TTC39C: variants seen among roughly 807,000 people sequenced by gnomAD.
TTC39C encodes tetratricopeptide repeat protein 39C.
In TTC39C, 33 loss-of-function variants were observed where a neutral mutation model predicts 76.3. That is an observed-to-expected ratio of 0.43 (90% CI 0.33 to 0.58). The LOEUF (loss-of-function observed/expected upper bound fraction) is 0.58, where lower values mean the gene tolerates loss of function less well. Ranked by LOEUF, TTC39C falls within the 20% of genes least tolerant of loss-of-function variation. The pLI, the probability that TTC39C is intolerant of heterozygous loss-of-function variation, is 0.04. For synonymous variants in TTC39C, 254 were observed against 260.6 expected (o/e 0.97, Z 0.24); for missense variants, 595 against 701.4 (o/e 0.85, Z 1.71).
intron 6 of TTC39C, among the ~76,000 whole-genome samples, chr18:24,101,149 G>A (rs1367106944): frequency 2.6e-5 from 4 of 152,110 alleles, no homozygotes; most frequent in South Asian, 4.1e-4. Context: ...CAAATGTTAT[G>A]ATTCTGTGAA....
chr18:24,023,320 A>G (rs2083538556), intron 1 of TTC39C, among the ~76,000 whole-genome samples: 1 of 152,114 alleles, frequency 6.6e-6, no homozygotes, highest in African/African-American at 2.4e-5. Flanking sequence ...TTTGCCTTGG[A>G]ACGTCCAGGC....
intron 6 of TTC39C, chr18:24,114,321 C>T (rs4986768): frequency 0.96 from 360,692 of 376,264 alleles, 173,714 homozygotes; most frequent in Non-Finnish European, 0.99. Context: ...GAGAAGGCGG[C>T]GCGAGCTGAG....
rs373542743 is a variant in TTC39C, at chr18:24,046,008, T to G, written c.168-18132T>G. On this transcript the variant is annotated intron_variant, in intron 1 of 13. Coordinates refer to ENST00000317571, the MANE Select transcript of TTC39C (RefSeq NM_001135993.2). ...GGCTGGAGTGCGACGGCACAATCTCTGCTCACTGCAAGCTCCGCCTCCTGG... is the reference window on the plus strand; with the variant it reads ...GGCTGGAGTGCGACGGCACAATCTCGGCTCACTGCAAGCTCCGCCTCCTGG... 6.2e-4 allele frequency among the ~76,000 whole-genome samples: 85 copies of G among 136,262 alleles called. No individual in the cohort carries two copies. The East Asian group carries it at 0.013, about 20-fold the overall frequency. 89.4% of individuals were successfully genotyped at this position (136,262 alleles called of 152,430 possible).
chr18:24,024,008 A>ATTTTT (rs1568409133), intron 1 of TTC39C, among the ~76,000 whole-genome samples: 3 of 6,996 alleles, frequency 4.3e-4, no homozygotes, highest in Admixed American at 2.8e-3. Context: ...ATATATATAT[A>ATTTTT]TATATATATT....
intron 1 of TTC39C, chr18:24,022,718 G>A: frequency 1.0e-6 from 1 of 985,406 alleles, no homozygotes; most frequent in Non-Finnish European, 1.2e-6. Flanking sequence ...TCCCAGTCTT[G>A]TGTAGGATAA....
chr18:24,089,001 G>A (rs537573631), intron 6 of TTC39C, among the ~76,000 whole-genome samples: 1 of 152,180 alleles, frequency 6.6e-6, no homozygotes, highest in Non-Finnish European at 1.5e-5. Flanking sequence ...TAAAGTTCCA[G>A]TTTCCATCAG....
At chr18:24,088,705 A>G (rs1206768338) in intron 6 of TTC39C, among the ~76,000 whole-genome samples, 1 of 152,070 alleles carries the variant, frequency 6.6e-6, no homozygotes, top group African/African-American at 2.4e-5. Context: ...GCTTCCCCCA[A>G]ACCCTCTCAG....
intron 4 of TTC39C, among the ~76,000 whole-genome samples, chr18:24,072,136 T>C (rs1035373890): frequency 5.3e-5 from 8 of 152,116 alleles, no homozygotes; most frequent in Admixed American, 3.9e-4. Flanking sequence ...TGGATAATTT[T>C]CTTGGGGAAA....
intron 12 of TTC39C, among the ~76,000 whole-genome samples, chr18:24,131,149 C>T (rs1478685649): frequency 7.1e-6 from 1 of 141,390 alleles, no homozygotes; most frequent in African/African-American, 2.6e-5. Context: ...CTTGAGGTTG[C>T]AGTGAGCCAT....
chr18:24,082,562 T>C (rs2084390400), intron 5 of TTC39C, among the ~76,000 whole-genome samples: 1 of 152,206 alleles, frequency 6.6e-6, no homozygotes, highest in Admixed American at 6.5e-5. Flanking sequence ...TGGTGACTAG[T>C]TACCATTTCT....
chr18:24,100,774 C>T (rs1225846932), intron 6 of TTC39C, among the ~76,000 whole-genome samples: 1 of 152,172 alleles, frequency 6.6e-6, no homozygotes, highest in Non-Finnish European at 1.5e-5. Flanking sequence ...GGTGGGAGAC[C>T]TCAAGCCAGT....
At chr18:24,089,568 G>A (rs557915942) in intron 6 of TTC39C, among the ~76,000 whole-genome samples, 17 of 152,248 alleles carry the variant, frequency 1.1e-4, no homozygotes, top group Non-Finnish European at 2.2e-4. Flanking sequence ...CTTAATGACC[G>A]TTTACCGAAA....
intron 4 of TTC39C, 120 bp downstream of exon 4, chr18:24,069,391 T>C (rs542203401): frequency 1.0e-5 from 8 of 775,294 alleles, no homozygotes; most frequent in South Asian, 9.2e-5. Context: ...CTTTGGGGCA[T>C]GATACTGATT....
chr18:24,095,623 T>G (rs2084578839), intron 6 of TTC39C, among the ~76,000 whole-genome samples: 1 of 152,226 alleles, frequency 6.6e-6, no homozygotes, highest in East Asian at 1.9e-4. Context: ...TGATAGAACC[T>G]GGGAGGCAGA....
At chr18:24,095,010 G>T (rs1048622181) in intron 6 of TTC39C, among the ~76,000 whole-genome samples, 3 of 152,204 alleles carry the variant, frequency 2.0e-5, no homozygotes, top group Non-Finnish European at 4.4e-5. Context: ...CCAATAGAAG[G>T]CTGCTTTGTC....
chr18:24,063,916 G>T (rs1282824502), intron 1 of TTC39C, among the ~76,000 whole-genome samples: 1 of 152,092 alleles, frequency 6.6e-6, no homozygotes, highest in Admixed American at 6.6e-5. Context: ...TGTTTGCCTT[G>T]CTTTGAAGAA....
intron 1 of TTC39C, among the ~76,000 whole-genome samples, chr18:24,035,473 A>G (rs913743938): frequency 1.3e-5 from 2 of 152,222 alleles, no homozygotes; most frequent in African/African-American, 4.8e-5. Flanking sequence ...GTTCTGGATA[A>G]TAGCCATCCT....
intron 1 of TTC39C, among the ~76,000 whole-genome samples, chr18:24,008,544 G>T (rs1291355261): frequency 6.6e-6 from 1 of 152,188 alleles, no homozygotes. Flanking sequence ...TAACAATGGG[G>T]AATCCAGATA....
intron 1 of TTC39C, among the ~76,000 whole-genome samples, chr18:24,003,272 C>T (rs551959989): frequency 1.3e-5 from 2 of 152,306 alleles, no homozygotes; most frequent in South Asian, 4.2e-4. Context: ...TCACAGGAAG[C>T]CTTCCATGAA....
Sources: allele counts gnomAD v4.1 joint callset (sites outside exome capture counted in the v4.1 genomes callset), GRCh38; gene constraint gnomAD v4.1.1; transcripts MANE v1.5; gene names NCBI Gene and HGNC (gene_info 2026-07-23, HGNC 2026-07-21).